MAP2: variants seen among roughly 807,000 people sequenced by gnomAD.
The protein encoded by MAP2 is microtubule-associated protein 2.
Under a neutral mutation model 137.6 loss-of-function variants are expected in MAP2, and 14 were observed. The observed-to-expected ratio is 0.10, with a 90% CI of 0.07 to 0.16. The LOEUF is 0.16. Among genes scored for constraint, MAP2 ranks in the 10% least tolerant of loss-of-function variants. The probability of loss-of-function intolerance (pLI) is 1.00; values close to 1 mark genes in which losing one functional copy is unlikely to be tolerated. For missense variants in MAP2, 2,088 were observed against 2,191.5 expected, an observed-to-expected ratio of 0.95 and a Z score of 0.94; for synonymous variants, 786 against 782.3, an observed-to-expected ratio of 1.00 and a Z score of -0.08.
chr2:209,568,972 T>C (rs1267984861), intron 2 of MAP2, among the ~76,000 whole-genome samples: 5 of 151,902 alleles, frequency 3.3e-5, no homozygotes, highest in Non-Finnish European at 2.9e-5. Context: ...ATACGGTTTG[T>C]CTTAACACTT....
intron 5 of MAP2, among the ~76,000 whole-genome samples, chr2:209,664,775 C>A (rs1054711189): frequency 6.6e-6 from 1 of 151,784 alleles, no homozygotes; most frequent in African/African-American, 2.4e-5. Context: ...TCCTGGCCAA[C>A]ATTGTGAAAT....
intron 3 of MAP2, among the ~76,000 whole-genome samples, chr2:209,616,576 A>G (rs529136481): frequency 7.7e-4 from 118 of 152,334 alleles, no homozygotes; most frequent in Non-Finnish European, 1.4e-3. Context: ...AAAGTTAACC[A>G]GTACTGAGCA....
chr2:209,634,319 A>G (rs1485351610), intron 4 of MAP2, among the ~76,000 whole-genome samples: 1 of 152,194 alleles, frequency 6.6e-6, no homozygotes, highest in Non-Finnish European at 1.5e-5. Flanking sequence ...GCTTATTGCT[A>G]TAACAAACAG....
At chr2:209,597,108 A>G (rs1329187280) in intron 3 of MAP2, among the ~76,000 whole-genome samples, 5 of 152,254 alleles carry the variant, frequency 3.3e-5, no homozygotes, top group South Asian at 2.1e-4. Context: ...GCTCTTTGCC[A>G]CTTCTTCCTC....
chr2:209,434,572 AC>A (rs1454638614), intron 1 of MAP2, among the ~76,000 whole-genome samples: 7 of 151,728 alleles, frequency 4.6e-5, no homozygotes, highest in African/African-American at 9.7e-5. Context: ...AAGCATGGTT[AC>A]TCATGCCTAT....
chr2:209,694,579 A>T lies in MAP2; in HGVS notation c.2409A>T (p.Ala803=), dbSNP rs761926122. The T allele has an allele frequency of 6.2e-7, 1 of 1,614,028 alleles. No homozygotes were observed. The highest frequency in any genetic ancestry group is 2.2e-5 in the East Asian group (1 of 44,870). ...KDFYKNGTVM[A]PDLPEMLDLA... Reference sequence around the variant, plus strand: ...TTTACAAAAATGGTACTGTCATGGCACCTGACCTTCCTGAAATGCTAGATC... The same window carrying T: ...TTTACAAAAATGGTACTGTCATGGCTCCTGACCTTCCTGAAATGCTAGATC... The change falls in exon 8 of 16, where the codon GCA becomes GCT. Residue 803 remains alanine (A), a synonymous_variant. Transcript: ENST00000682079.
intron 2 of MAP2, among the ~76,000 whole-genome samples, chr2:209,527,788 A>G (rs1010115057): frequency 6.6e-6 from 1 of 152,190 alleles, no homozygotes; most frequent in Non-Finnish European, 1.5e-5. Flanking sequence ...GCTCCACCCC[A>G]GACCTAGTGA....
chr2:209,552,007 G>A (rs2069285171), intron 2 of MAP2, among the ~76,000 whole-genome samples: 1 of 152,062 alleles, frequency 6.6e-6, no homozygotes, highest in Non-Finnish European at 1.5e-5. Flanking sequence ...AAGATTAAAT[G>A]GCTCAAAGTG....
At chr2:209,671,269 A>G (rs1180645771) in intron 5 of MAP2, among the ~76,000 whole-genome samples, 1 of 151,940 alleles carries the variant, frequency 6.6e-6, no homozygotes, top group Non-Finnish European at 1.5e-5. Context: ...CAGGGAAACA[A>G]ACAAATAAAA....
intron 1 of MAP2, among the ~76,000 whole-genome samples, chr2:209,473,968 A>G (rs1412988832): frequency 6.6e-6 from 1 of 152,214 alleles, no homozygotes; most frequent in East Asian, 1.9e-4. Flanking sequence ...TGCCTTATGC[A>G]ATCTTTGTCT....
At chr2:209,572,456 A>G (rs2074553901) in intron 2 of MAP2, among the ~76,000 whole-genome samples, 2 of 152,270 alleles carry the variant, frequency 1.3e-5, no homozygotes, top group African/African-American at 4.8e-5. Flanking sequence ...GTTAAAATAC[A>G]TATAAAGTAA....
chr2:209,488,056 G>T (rs1044052417), intron 1 of MAP2, among the ~76,000 whole-genome samples: 3 of 152,216 alleles, frequency 2.0e-5, no homozygotes, highest in Admixed American at 1.3e-4. Flanking sequence ...CAGCGCAGAA[G>T]GTGTGTGATT....
intron 13 of MAP2, among the ~76,000 whole-genome samples, chr2:209,711,956 C>T (rs1046666482): frequency 2.6e-5 from 4 of 151,928 alleles, no homozygotes; most frequent in Non-Finnish European, 4.4e-5. Flanking sequence ...TTTGTTTCCT[C>T]TTAGAATCAC....
At chr2:209,607,720 C>A (rs765003525) in intron 3 of MAP2, among the ~76,000 whole-genome samples, 1 of 152,214 alleles carries the variant, frequency 6.6e-6, no homozygotes, top group Non-Finnish European at 1.5e-5. Flanking sequence ...CAGGCATGAG[C>A]GACTGTGCCC....
intron 4 of MAP2, among the ~76,000 whole-genome samples, chr2:209,634,991 G>C (rs552013213): frequency 1.3e-5 from 2 of 152,282 alleles, no homozygotes; most frequent in South Asian, 2.1e-4. Context: ...CTACTTGGGA[G>C]GCTGAGATGG....
intron 4 of MAP2, among the ~76,000 whole-genome samples, chr2:209,628,867 T>C (rs1039826): frequency 1.3e-5 from 2 of 152,106 alleles, no homozygotes; most frequent in Admixed American, 6.5e-5. Flanking sequence ...GATGACTAGG[T>C]ATGCAAGGGT....
intron 3 of MAP2, among the ~76,000 whole-genome samples, chr2:209,612,937 G>C (rs1031083100): frequency 6.6e-6 from 1 of 152,088 alleles, no homozygotes; most frequent in Non-Finnish European, 1.5e-5. Flanking sequence ...CTGTATTCCT[G>C]GTTTTAGTGT....
chr2:209,509,386 A>G (rs974177387), intron 2 of MAP2, among the ~76,000 whole-genome samples: 18 of 152,002 alleles, frequency 1.2e-4, no homozygotes, highest in African/African-American at 4.3e-4. Flanking sequence ...ATAAATAAAT[A>G]TATCAGTGAA....
In MAP2 at chr2:209,468,487, A is replaced by AT. The variant is rs1348419230; in HGVS notation, c.-221-39099dup. 2.7e-5 allele frequency among the ~76,000 whole-genome samples: 4 copies of AT among 150,920 alleles called. No individual in the cohort carries two copies. The South Asian group carries it at 6.3e-4, about 24-fold the overall frequency. ...AGGCGCCCACCACCACGCCCGGCTA[A>AT]TTTTTTGTATTTTTAGTACAGACGA... On this transcript the variant is annotated intron_variant, in intron 1 of 15. Transcript: ENST00000682079.
Sources: allele counts gnomAD v4.1 joint callset (sites outside exome capture counted in the v4.1 genomes callset), GRCh38; gene constraint gnomAD v4.1.1; transcripts MANE v1.5; gene names NCBI Gene and HGNC (gene_info 2026-07-23, HGNC 2026-07-21).